Variants in SNX9 observed in about 807,000 individuals in gnomAD.
The protein encoded by SNX9 is sorting nexin-9.
In SNX9, 44 loss-of-function variants were observed where a neutral mutation model predicts 89.4. That is an observed-to-expected ratio of 0.49 (90% confidence interval 0.39 to 0.63). The LOEUF (loss-of-function observed/expected upper bound fraction) is 0.63. Ranked by LOEUF, SNX9 falls within the 30% of genes least tolerant of loss-of-function variation. The pLI, the probability that SNX9 is intolerant of heterozygous loss-of-function variation, is 0.00. For missense variants in SNX9, 578 were observed against 736.1 expected (o/e 0.79, Z 2.49); for synonymous variants, 236 against 247.8 (o/e 0.95, Z 0.45).
At chr6:157,868,788 A>G (rs1358346511) in intron 2 of SNX9, among the ~76,000 whole-genome samples, 1 of 152,250 alleles carries the variant, frequency 6.6e-6, no homozygotes, top group African/African-American at 2.4e-5. Context: ...AGAAGGAACA[A>G]AAGCAGATAG....
chr6:157,850,101 G>A (rs912017139), intron 1 of SNX9, among the ~76,000 whole-genome samples: 12 of 152,250 alleles, frequency 7.9e-5, no homozygotes, highest in African/African-American at 2.9e-4. Flanking sequence ...GAGGGCAGGT[G>A]TGGAGGGGCG....
At chr6:157,918,287 T>C (rs1783515395) in intron 9 of SNX9, among the ~76,000 whole-genome samples, 1 of 152,192 alleles carries the variant, frequency 6.6e-6, no homozygotes, top group African/African-American at 2.4e-5. Context: ...GTCTCTCTTG[T>C]TAGGTAGACA....
intron 1 of SNX9, among the ~76,000 whole-genome samples, chr6:157,851,642 T>C (rs1402654709): frequency 6.6e-6 from 1 of 152,156 alleles, no homozygotes; most frequent in Admixed American, 6.5e-5. Context: ...CAGGCTGGAG[T>C]GCAGTGGTGC....
chr6:157,937,735 C>A lies in SNX9; in HGVS notation c.1533+212C>A, dbSNP rs189286948. Among the ~76,000 whole-genome samples, 415 of 152,326 alleles carry A rather than the reference C, an allele frequency of 2.7e-3. 3 individuals are homozygous for A. The highest frequency in any genetic ancestry group is 0.024 in the Admixed American group (362 of 15,296). On this transcript the variant is annotated intron_variant, in intron 15 of 17. Coordinates refer to ENST00000392185, the MANE Select transcript of SNX9 (RefSeq NM_016224.5). ...TCTCCCTTTTTAAAAATCTGTACAT[C>A]ACCTCAGGCATGAGTTGTGAGTATT...
At position 157,844,594 on chromosome 6, in the gene SNX9, T is replaced by TG. The variant is rs201376713; in HGVS notation, c.12+21148_12+21149insG. On this transcript the variant is annotated intron_variant, in intron 1 of 17. Coordinates refer to ENST00000392185, the MANE Select transcript of SNX9 (RefSeq NM_016224.5). ...ATCTTGTGGCTAATCCTTGTTTTTT[T>TG]TTTTTGTTTTTTTTTTTGAGACAGA... Among the ~76,000 whole-genome samples, 25 of 137,656 alleles carry TG rather than the reference T, an allele frequency of 1.8e-4. 2 individuals carry two copies. In the South Asian group the frequency reaches 3.5e-3, roughly 19 times the overall value. 90.3% of individuals were successfully genotyped at this position (137,656 alleles called of 152,430 possible).
chr6:157,825,875 A>G (rs931913424), intron 1 of SNX9, among the ~76,000 whole-genome samples: 1 of 152,112 alleles, frequency 6.6e-6, no homozygotes, highest in Non-Finnish European at 1.5e-5. Flanking sequence ...GTCTTCTTCA[A>G]GGGGTGGGGA....
rs758285655 is a variant in SNX9, at chr6:157,867,632, CGGT to C, written c.99_99+2del. ...GGAGAAATCATCACAATCACAAATC[CGGT>C]AAGAGAACTGTACATTCGAGTCTGA... On this transcript the variant is annotated splice_donor_variant and coding_sequence_variant, in exon 2 of 18. Coordinates refer to ENST00000392185, the MANE Select transcript of SNX9 (RefSeq NM_016224.5). LOFTEE classifies it high-confidence loss of function. The C allele has an allele frequency of 4.3e-6, 7 of 1,609,256 alleles. No homozygotes were observed. Among genetic ancestry groups the C allele is most frequent in the Non-Finnish European group, 5.9e-6 (7 of 1,176,748 alleles).
chr6:157,875,980 G>A lies in SNX9; in HGVS notation c.300+804G>A, dbSNP rs138512031. On this transcript the variant is annotated intron_variant, in intron 4 of 17. Transcript: ENST00000392185. ...ACACGATGAAACCCCATCTCCACAC[G>A]TTAAAAAAAAAGTTAAAAAAAAAGA... Among the ~76,000 whole-genome samples the A allele has an allele frequency of 5.4e-3, 818 of 150,308 alleles. 8 individuals are homozygous for A. The highest frequency in any genetic ancestry group is 0.019 in the African/African-American group (787 of 40,850).
At chr6:157,941,845 G>A (rs113518654) in intron 17 of SNX9, among the ~76,000 whole-genome samples, 45 of 152,310 alleles carry the variant, frequency 3.0e-4, no homozygotes, top group South Asian at 1.2e-3. Flanking sequence ...ACTAACTTAC[G>A]GGAGGAACTC....
At chr6:157,908,305 T>C (rs374484663) in intron 7 of SNX9, among the ~76,000 whole-genome samples, 1 of 152,244 alleles carries the variant, frequency 6.6e-6, no homozygotes, top group Non-Finnish European at 1.5e-5. Flanking sequence ...AATCTCTGAA[T>C]GAATCTCTGA....
intron 1 of SNX9, among the ~76,000 whole-genome samples, chr6:157,834,619 A>C (rs2803351): frequency 2.0e-5 from 3 of 152,138 alleles, no homozygotes; most frequent in Non-Finnish European, 4.4e-5. Flanking sequence ...CCTCCCAAAG[A>C]ATTGTGATTA....
intron 4 of SNX9, among the ~76,000 whole-genome samples, chr6:157,881,262 A>G (rs6455869): frequency 0.031 from 4,702 of 152,168 alleles, 184 homozygotes; most frequent in African/African-American, 0.088. Context: ...CTTTGATGTT[A>G]CTATTGTAAT....
At position 157,937,461 on chromosome 6, in the gene SNX9, G is replaced by A; in HGVS notation, c.1471G>A (p.Glu491Lys). The A allele has an allele frequency of 6.2e-7, 1 of 1,613,706 alleles. No homozygotes were observed. Among genetic ancestry groups the A allele is most frequent in the Non-Finnish European group, 8.5e-7 (1 of 1,179,704 alleles). Residue 491 changes from glutamate to lysine, a missense_variant, in exon 15 of 18, where the codon GAA (glutamate) becomes AAA (lysine). Coordinates refer to ENST00000392185, the MANE Select transcript of SNX9 (RefSeq NM_016224.5). ...QPKKDLHFLM[E>K]CNHEYKGFLG... The stretch of plus-strand genomic sequence containing the variant: ...AAAGAAAGATCTCCATTTCCTGATG[G>A]AATGTAATCACGAGTATAAAGGTTT...
chr6:157,849,775 G>A (rs181948170), intron 1 of SNX9, among the ~76,000 whole-genome samples: 2 of 152,164 alleles, frequency 1.3e-5, no homozygotes, highest in Non-Finnish European at 2.9e-5. Flanking sequence ...GCTGGGGAAT[G>A]CTGGAGAGAA....
In SNX9 at chr6:157,867,665, C is replaced by T. The variant is rs768050983; in HGVS notation, c.99+32C>T. 2.7e-6 allele frequency: 4 copies of T among 1,474,674 alleles called. No homozygotes were observed. In the South Asian group the frequency reaches 5.0e-5, roughly 18 times the overall value. 91.3% of individuals were successfully genotyped at this position (1,474,674 alleles called of 1,614,324 possible). A position where few individuals can be genotyped will look rare whatever the true frequency, so the allele number is the denominator to read the frequency against. On this transcript the variant is annotated intron_variant, in intron 2 of 17. Transcript: ENST00000392185. ...GAACTGTACATTCGAGTCTGATTGT[C>T]CCATGTGGACTTATTTTTAACAAAT... is the stretch of plus-strand genomic sequence containing the variant.
At chr6:157,901,267 G>T (rs1330886984) in intron 5 of SNX9, among the ~76,000 whole-genome samples, 1 of 151,924 alleles carries the variant, frequency 6.6e-6, no homozygotes, top group African/African-American at 2.4e-5. Flanking sequence ...AGTTTCAGGG[G>T]GTCTCCCTAC....
At chr6:157,848,101 G>C (rs758501161) in intron 1 of SNX9, among the ~76,000 whole-genome samples, 1 of 152,168 alleles carries the variant, frequency 6.6e-6, no homozygotes, top group South Asian at 2.1e-4. Context: ...ATTGCTTTGC[G>C]TGTTGATGGC....
chr6:157,828,634 C>T (rs1474460924), intron 1 of SNX9, among the ~76,000 whole-genome samples: 1 of 152,146 alleles, frequency 6.6e-6, no homozygotes, highest in Non-Finnish European at 1.5e-5. Context: ...GCTGGGACTA[C>T]AGGTGTGCAC....
At chr6:157,917,636 C>T (rs1783500149) in intron 9 of SNX9, among the ~76,000 whole-genome samples, 1 of 152,076 alleles carries the variant, frequency 6.6e-6, no homozygotes, top group Non-Finnish European at 1.5e-5. Flanking sequence ...ATGCTCAAGT[C>T]CCTGATATAA....
Sources: allele counts gnomAD v4.1 joint callset (sites outside exome capture counted in the v4.1 genomes callset), GRCh38; gene constraint gnomAD v4.1.1; transcripts MANE v1.5; gene names NCBI Gene and HGNC (gene_info 2026-07-23, HGNC 2026-07-21).